The following XRN1 variants were observed in gnomAD, a reference collection of about 807,000 sequenced individuals.
The protein encoded by XRN1 is 5'-3' exoribonuclease 1.
Under a neutral mutation model 222.3 loss-of-function variants are expected in XRN1, and 67 were observed. That is an observed-to-expected ratio of 0.30 (90% CI 0.25 to 0.37). The LOEUF is 0.37. Ranked by LOEUF, XRN1 falls within the 10% of genes least tolerant of loss-of-function variation. The pLI is 1.00. For missense variants in XRN1, 1,707 were observed against 2,000.2 expected (o/e 0.85, Z 2.80); for synonymous variants, 643 against 652.4 (o/e 0.99, Z 0.22).
rs987633077 is a variant in XRN1, at chr3:142,309,866, AC to A, written c.*1644del. 1.3e-5 allele frequency: 2 copies of A among 152,296 alleles called. No individual in the cohort carries two copies. Among genetic ancestry groups the A allele is most frequent in the Admixed American group, 6.5e-5 (1 of 15,280 alleles). 9.4% of individuals were successfully genotyped at this position (152,296 alleles called of 1,614,324 possible). A position where few individuals can be genotyped will look rare whatever the true frequency, so the allele number is the denominator to read the frequency against. On this transcript the variant is annotated 3_prime_UTR_variant, in exon 41 of 41. Coordinates refer to ENST00000392981, the MANE Select transcript of XRN1 (RefSeq NM_001282857.2). Reference sequence around the variant, plus strand: ...ACCATAATAGATGTTTCCTTTAAAAACAAAGAGAGAGTTTATGAGGCAATAA... The same window carrying A: ...ACCATAATAGATGTTTCCTTTAAAAAAAAGAGAGAGTTTATGAGGCAATAA...
In XRN1 at chr3:142,308,882, A is replaced by G. The variant is rs1282674373; in HGVS notation, c.*2629T>C. 3 of 152,244 alleles carry G rather than the reference A, an allele frequency of 2.0e-5. No individual in the cohort carries two copies. The East Asian group carries it at 5.8e-4, about 29-fold the overall frequency. 9.4% of individuals were successfully genotyped at this position (152,244 alleles called of 1,614,324 possible). ...CTCAGAAGATTCAAGTTGAATGAGC[A>G]TATTTTTAAACTTTGGGGGTGGTCT... On this transcript the variant is annotated 3_prime_UTR_variant, in exon 41 of 41. Transcript: ENST00000392981.
Position 142,333,060 on chromosome 3 carries a change from T to C in XRN1, c.3969A>G (p.Ala1323=). The C allele has an allele frequency of 6.2e-7, 1 of 1,612,954 alleles. No individual in the cohort carries two copies. The highest frequency in any genetic ancestry group is 8.5e-7 in the Non-Finnish European group (1 of 1,179,404). Residue 1323 remains alanine, a synonymous_variant, in exon 35 of 41, where the codon GCA becomes GCG. Transcript: ENST00000392981. ...QPNSGIENFL[A]SLNISKENEV... Reference sequence around the variant, plus strand: ...CATTTTCTTTGGAGATATTCAAAGATGCTAAAAAGTTCTCAATTCCAGAGT... The same window carrying C: ...CATTTTCTTTGGAGATATTCAAAGACGCTAAAAAGTTCTCAATTCCAGAGT...
intron 22 of XRN1, 111 bp downstream of exon 22, chr3:142,383,189 C>A: frequency 1.2e-6 from 1 of 853,240 alleles, no homozygotes; most frequent in Non-Finnish European, 1.9e-6. Context: ...TGGATAAATT[C>A]TTTATTTTTT....
Position 142,448,014 on chromosome 3 carries a change from G to C in XRN1, c.-70C>G. 1 of 1,524,308 alleles carries C rather than the reference G, an allele frequency of 6.6e-7. No homozygotes were observed. Among genetic ancestry groups the C allele is most frequent in the South Asian group, 1.1e-5 (1 of 88,572 alleles). 94.4% of individuals were successfully genotyped at this position (1,524,308 alleles called of 1,614,324 possible). A position where few individuals can be genotyped will look rare whatever the true frequency, so the allele number is the denominator to read the frequency against. On this transcript the variant is annotated 5_prime_UTR_variant, in exon 1 of 41. Transcript: ENST00000392981. ...AACGCCCCGCCGGGGCTCCGCCGCA[G>C]CCTCCGGTCGTCGCTCCGCGGATGA... is the stretch of plus-strand genomic sequence containing the variant.
intron 36 of XRN1, among the ~76,000 whole-genome samples, 191 bp from the exon 37 acceptor site, chr3:142,329,806 C>T (rs2065639648): frequency 6.6e-6 from 1 of 152,168 alleles, no homozygotes; most frequent in Admixed American, 6.5e-5. Context: ...TGGACTCTAG[C>T]AGTACAACCT....
intron 2 of XRN1, among the ~76,000 whole-genome samples, chr3:142,432,080 T>G (rs1315612084): frequency 8.7e-6 from 1 of 114,564 alleles, no homozygotes; most frequent in Admixed American, 1.1e-4. Context: ...AATAAATAAA[T>G]TATACATATA....
intron 27 of XRN1, 75 bp from the exon 28 acceptor site, chr3:142,365,441 CAT>C (rs1192521090): frequency 2.1e-5 from 24 of 1,127,716 alleles, no homozygotes; most frequent in Admixed American, 1.5e-4. Context: ...ACTACTTCCA[CAT>C]GTCTGAATTT....
At chr3:142,440,080 C>A (rs1317759277) in intron 1 of XRN1, among the ~76,000 whole-genome samples, 2 of 152,128 alleles carry the variant, frequency 1.3e-5, no homozygotes, top group African/African-American at 4.8e-5. Flanking sequence ...CATGCCATCA[C>A]CCTCACAGAG....
rs540773237 is a variant in XRN1 at position 142,312,288 on chromosome 3, G to GAAT, written c.4782+307_4782+309dup. The stretch of plus-strand genomic sequence containing the variant: ...GAGTGAGATCCTTCTCCAAAAAAAT[G>GAAT]AATAATAATAATAATAATAAAAATA... On this transcript the variant is annotated intron_variant, in intron 40 of 40. Transcript: ENST00000392981. Among the ~76,000 whole-genome samples the GAAT allele has an allele frequency of 2.0e-4, 31 of 151,720 alleles. No homozygotes were observed. The South Asian group carries it at 5.4e-3, about 27-fold the overall frequency.
intron 21 of XRN1, among the ~76,000 whole-genome samples, 181 bp downstream of exon 21, chr3:142,384,340 TGA>T (rs2067418192): frequency 6.6e-6 from 1 of 151,694 alleles, no homozygotes; most frequent in Admixed American, 6.6e-5. Context: ...CTATATATAC[TGA>T]GTGTCTGAGC....
intron 1 of XRN1, chr3:142,435,409 A>T (rs548930396): frequency 6.6e-6 from 1 of 151,486 alleles, no homozygotes; most frequent in Non-Finnish European, 1.5e-5. Context: ...AAAAAAAAAA[A>T]AAGAAGTCAA....
At position 142,418,516 on chromosome 3, in the gene XRN1, T is replaced by C. The variant is rs1054389528; in HGVS notation, c.1334A>G (p.Asp445Gly). Residue 445 changes from aspartate to glycine, a missense_variant, in exon 12 of 41, where the codon GAC becomes GGC. Asp to Gly is a moderately conservative substitution (Grantham distance 94). Coordinates refer to ENST00000392981, the MANE Select transcript of XRN1 (RefSeq NM_001282857.2). ...RTYYMTKMGV[D>G]VVSDDFLADQ... ...GGCAAAAACGTACTCAGATACTACG[T>C]CAACCCCCATCTTCGTCATGTAATA... 1 of 1,610,404 alleles carries C rather than the reference T, an allele frequency of 6.2e-7. No individual in the cohort carries two copies. Among genetic ancestry groups the C allele is most frequent in the Non-Finnish European group, 8.5e-7 (1 of 1,178,444 alleles).
intron 1 of XRN1, among the ~76,000 whole-genome samples, chr3:142,440,310 A>T (rs1285933851): frequency 6.6e-6 from 1 of 152,100 alleles, no homozygotes; most frequent in Non-Finnish European, 1.5e-5. Flanking sequence ...TACGCCTGAA[A>T]GCCCCACTCC....
In XRN1 at chr3:142,426,760, G is replaced by A; in HGVS notation, c.390C>T (p.Ser130=). The A allele has an allele frequency of 2.5e-6, 4 of 1,613,178 alleles. No homozygotes were observed. The highest frequency in any genetic ancestry group is 3.4e-6 in the Non-Finnish European group (4 of 1,179,634). The change falls in exon 3 of 41, where the codon TCC becomes TCT. Residue 130 remains serine, a synonymous_variant. Coordinates refer to ENST00000392981, the MANE Select transcript of XRN1 (RefSeq NM_001282857.2). ...TGAATTTACCTGGTGTGATACAGTT[G>A]GAATCAAATCTGGCCTCTGTAGGAA... ...ETLPTEARFD[S]NCITPGTEFM...
At chr3:142,405,213 T>C (rs890311481) in intron 15 of XRN1, 137 bp from the exon 16 acceptor site, 2 of 735,176 alleles carry the variant, frequency 2.7e-6, no homozygotes, top group East Asian at 2.7e-5. Flanking sequence ...TCTTAACTAA[T>C]GAAACTCTTC....
intron 22 of XRN1, among the ~76,000 whole-genome samples, chr3:142,381,015 C>CAAAAAAAAA (rs10709053): frequency 7.1e-6 from 1 of 139,960 alleles, no homozygotes. Context: ...CAAAAAGTTG[C>CAAAAAAAAA]AAAAAAAAAA....
intron 35 of XRN1, among the ~76,000 whole-genome samples, 159 bp from the exon 36 acceptor site, chr3:142,332,693 C>A (rs1044551939): frequency 4.6e-5 from 7 of 151,196 alleles, no homozygotes; most frequent in Non-Finnish European, 8.9e-5. Context: ...AAACCCAACA[C>A]CCACATTTCT....
chr3:142,369,375 G>T (rs571510940), intron 27 of XRN1, among the ~76,000 whole-genome samples: 44 of 152,172 alleles, frequency 2.9e-4, no homozygotes, highest in African/African-American at 9.9e-4. Context: ...GGCCAGGCAC[G>T]GTGGCTCATG....
rs1360006662 is a variant in XRN1, at chr3:142,307,290, GA to G, written c.*4220del. 6 of 151,560 alleles carry G rather than the reference GA, an allele frequency of 4.0e-5. No homozygotes were observed. The allele number at this position is 151,560 out of a possible 1,614,324, so 9.4% of individuals were successfully genotyped here. Reference sequence around the variant, plus strand: ...GCTTCAAATTACTAAAACAGCTACAGAAACCTATTTGGCCTGGACAATTTAA... The same window carrying G: ...GCTTCAAATTACTAAAACAGCTACAGAACCTATTTGGCCTGGACAATTTAA... On this transcript the variant is annotated 3_prime_UTR_variant, in exon 41 of 41. Transcript: ENST00000392981.
Sources: gnomAD v4.1 joint callset for allele counts (sites outside exome capture counted in the v4.1 genomes callset) on GRCh38, gnomAD v4.1.1 for gene constraint, MANE v1.5 for transcripts, NCBI Gene and HGNC (gene_info 2026-07-23, HGNC 2026-07-21) for gene names.